CAMTA2: variants seen among roughly 807,000 people sequenced by gnomAD.
CAMTA2 encodes the protein calmodulin-binding transcription activator 2.
CAMTA2 carries 56 observed loss-of-function variants against 135.7 expected under a neutral mutation model. The ratio of observed to expected loss-of-function variants is 0.41; its 90% CI spans 0.33 to 0.52. CAMTA2 has a LOEUF of 0.52. Ranked by LOEUF, CAMTA2 falls within the 20% of genes least tolerant of loss-of-function variation. The pLI, the probability that CAMTA2 is intolerant of heterozygous loss-of-function variation, is 0.16. For missense variants in CAMTA2, 1,358 were observed against 1,553.4 expected (o/e 0.87, Z 2.11); for synonymous variants, 591 against 604.6 (o/e 0.98, Z 0.33).
At position 4,970,522 on chromosome 17, in the gene CAMTA2, T is replaced by TGA; in HGVS notation, c.2821_2822dup (p.Leu942HisfsTer2). On this transcript the variant is annotated frameshift_variant, in exon 17 of 23. Transcript: ENST00000348066. LOFTEE classifies it high-confidence loss of function. ...TGGCTTCGATGATCTGCTTGGCTAG[T>TGA]GAGATCATGTCCACCTGGAAGAAGG... 1 of 1,610,642 alleles carries TGA rather than the reference T, an allele frequency of 6.2e-7. No individual in the cohort carries two copies. Among genetic ancestry groups the TGA allele is most frequent in the Non-Finnish European group, 8.5e-7 (1 of 1,179,714 alleles).
At chr17:4,978,367 A>G (rs986465059) in intron 10 of CAMTA2, 137 bp downstream of exon 10, 13 of 856,864 alleles carry the variant, frequency 1.5e-5, no homozygotes, top group Non-Finnish European at 2.3e-5. Context: ...TTGGGGCTCA[A>G]CCTCAGGACT....
intron 11 of CAMTA2, among the ~76,000 whole-genome samples, chr17:4,975,165 G>T (rs940474955): frequency 6.6e-6 from 1 of 152,146 alleles, no homozygotes; most frequent in Non-Finnish European, 1.5e-5. Flanking sequence ...AGGACAAGAA[G>T]GGGAGGCAGG....
chr17:4,982,702 T>G, intron 5 of CAMTA2, 55 bp downstream of exon 5: 1 of 1,602,594 alleles, frequency 6.2e-7, no homozygotes, highest in Non-Finnish European at 8.5e-7. Context: ...AGAGCCCAGC[T>G]AAGGGTGGAG....
rs767680587 is a variant in CAMTA2 at position 4,980,662 on chromosome 17, A to G, written c.701-41T>C. 3.4e-6 allele frequency: 5 copies of G among 1,460,772 alleles called. No homozygotes were observed. Among genetic ancestry groups the G allele is most frequent in the Non-Finnish European group, 4.8e-6 (5 of 1,043,492 alleles). The allele number at this position is 1,460,772 out of a possible 1,614,324, so 90.5% of individuals were successfully genotyped here. ...GTAGGAGGGAGAGGAGATAAGACAC[A>G]TCATTCCGCACCTTCTCTACCTTGA... On this transcript the variant is annotated intron_variant, in intron 8 of 22. Transcript: ENST00000348066. This position sits in a 1 kb window ranked among gnomAD's most constrained non-coding sequence, Gnocchi z 5.3.
At chr17:4,987,356 CAG>C in intron 1 of CAMTA2, 1 of 1,355,840 alleles carries the variant, frequency 7.4e-7, no homozygotes, top group Non-Finnish European at 9.4e-7. Context: ...GGGCGAGGGA[CAG>C]TGCAGGTGCC....
At chr17:4,986,990 C>T in intron 1 of CAMTA2, 1 of 1,466,664 alleles carries the variant, frequency 6.8e-7, no homozygotes, top group East Asian at 2.8e-5. Context: ...GAGCCCCCCG[C>T]CCTCCTCGGG....
Position 4,980,177 on chromosome 17 carries a change from T to G in CAMTA2, c.1145A>C (p.Asn382Thr). Residue 382 changes from asparagine (N) to threonine (T), a missense_variant, in exon 9 of 23, where the codon AAC becomes ACC. By Grantham distance (65) the Asn-to-Thr change is moderately conservative (BLOSUM62 0). Transcript: ENST00000348066. The surrounding 1 kb of genome is among the most constrained non-coding windows in gnomAD (Gnocchi z 5.3). ...SPAFDPDRFLNSPQRGQTYGG... is the reference protein window; with the variant it reads ...SPAFDPDRFLTSPQRGQTYGG... ...ATATGTCTGGCCCCTCTGGGGGCTG[T>G]TGAGAAAACGATCAGGGTCAAAGGC... 6.3e-7 allele frequency: 1 copy of G among 1,576,672 alleles called. No individual in the cohort carries two copies. Among genetic ancestry groups the G allele is most frequent in the Middle Eastern group, 1.7e-4 (1 of 5,838 alleles).
In CAMTA2 at chr17:4,987,647, C is replaced by CCA. The variant is rs1973449646; in HGVS notation, c.-120_-119insTG. The CCA allele has an allele frequency of 1.3e-6, 2 of 1,521,348 alleles. No homozygotes were observed. The highest frequency in any genetic ancestry group is 2.4e-5 in the South Asian group (2 of 82,424). The allele number at this position is 1,521,348 out of a possible 1,614,324, so 94.2% of individuals were successfully genotyped here. ...GCGGCCATTCTACCCCACACCGACC[C>CCA]CCCCCAGCGCCGGCTGACAGCGGCG... On this transcript the variant is annotated 5_prime_UTR_variant, in exon 1 of 23. Coordinates refer to ENST00000348066, the MANE Select transcript of CAMTA2 (RefSeq NM_015099.4).
rs763175115 is a variant in CAMTA2, at chr17:4,969,750, C to G, written c.3190-49G>C. The G allele has an allele frequency of 2.8e-4, 452 of 1,609,464 alleles. No homozygotes were observed. Among genetic ancestry groups the G allele is most frequent in the Admixed American group, 5.0e-4 (30 of 59,980 alleles). ...CCTCATGACCCACATAATGGCATAT[C>G]TGACTTGTCCCTTCAACTTTCCTGG... On this transcript the variant is annotated intron_variant, in intron 18 of 22. Coordinates refer to ENST00000348066, the MANE Select transcript of CAMTA2 (RefSeq NM_015099.4). This position sits in a 1 kb window ranked among gnomAD's most constrained non-coding sequence, Gnocchi z 5.6.
At chr17:4,972,714 C>T in intron 15 of CAMTA2, 55 bp downstream of exon 15, 1 of 1,555,806 alleles carries the variant, frequency 6.4e-7, no homozygotes, top group Non-Finnish European at 8.9e-7. Context: ...TGGCTTTGTC[C>T]TGGCCTATCC....
In CAMTA2 at chr17:4,981,790, G is replaced by T; in HGVS notation, c.453C>A (p.Ala151=). 1 of 1,612,664 alleles carries T rather than the reference G, an allele frequency of 6.2e-7. No individual in the cohort carries two copies. The highest frequency in any genetic ancestry group is 8.5e-7 in the Non-Finnish European group (1 of 1,179,200). The part of the protein sequence containing the change: ...IVLVHYLNVP[A]LEDCGKGCSP... The stretch of plus-strand genomic sequence containing the variant: ...TGCAGCCCTTTCCACAGTCCTCCAG[G>T]GCTGGGACGTTCAGGTAGTGCACAA... Residue 151 remains alanine, a synonymous_variant, in exon 7 of 23, where the codon GCC becomes GCA. Transcript: ENST00000348066.
Position 4,986,796 on chromosome 17 carries a change from C to G in CAMTA2, c.-64-510G>C, listed in dbSNP as rs548112472. ...GGCAGATCTGATAACTGAACCTAAC[C>G]TATTCTCTCCTCCAGGTTGGTTAGG... is the stretch of plus-strand genomic sequence containing the variant. On this transcript the variant is annotated intron_variant, in intron 1 of 22. Coordinates refer to ENST00000348066, the MANE Select transcript of CAMTA2 (RefSeq NM_015099.4). 6.4e-6 allele frequency: 4 copies of G among 621,886 alleles called. 1 individual carries two copies. In the South Asian group the frequency reaches 7.2e-5, roughly 11 times the overall value. 38.5% of individuals were successfully genotyped at this position (621,886 alleles called of 1,614,324 possible).
rs751170722 is a variant in CAMTA2 at position 4,969,856 on chromosome 17, CCT to C, written c.3189+44_3189+45del. The C allele has an allele frequency of 2.5e-5, 40 of 1,605,304 alleles. No individual in the cohort carries two copies. Among genetic ancestry groups the C allele is most frequent in the Non-Finnish European group, 3.2e-5 (37 of 1,173,044 alleles). ...CAAAAGCCCTGGGAGCCCAGTCTCC[CCT>C]GACTGGAGATTGTGTAATTCATCCT... On this transcript the variant is annotated intron_variant, in intron 18 of 22. Transcript: ENST00000348066. The surrounding 1 kb of genome is among the most constrained non-coding windows in gnomAD (Gnocchi z 5.6).
intron 11 of CAMTA2, among the ~76,000 whole-genome samples, chr17:4,975,065 T>TCTC (rs1042773872): frequency 8.6e-5 from 13 of 151,816 alleles, no homozygotes; most frequent in Non-Finnish European, 1.6e-4. Context: ...CATGTCCATT[T>TCTC]CTCCTCCTCC....
At chr17:4,987,133 G>C in intron 1 of CAMTA2, 3 of 1,360,174 alleles carry the variant, frequency 2.2e-6, no homozygotes, top group Non-Finnish European at 2.8e-6. Flanking sequence ...GCCCCAGGGC[G>C]CAGGTGCGCA....
At position 4,968,696 on chromosome 17, in the gene CAMTA2, C is replaced by T; in HGVS notation, c.*60G>A. ...AGGGGCTCCCCCTGCCCCAGAAAGCCCTCTCCCTGTTAAGACTGCACGAGG... is the reference window on the plus strand; with the variant it reads ...AGGGGCTCCCCCTGCCCCAGAAAGCTCTCTCCCTGTTAAGACTGCACGAGG... On this transcript the variant is annotated 3_prime_UTR_variant, in exon 23 of 23. Transcript: ENST00000348066. 6.2e-7 allele frequency: 1 copy of T among 1,602,214 alleles called. No individual in the cohort carries two copies. The highest frequency in any genetic ancestry group is 1.1e-5 in the South Asian group (1 of 90,852).
chr17:4,978,806 A>G (rs542429092), intron 9 of CAMTA2, among the ~76,000 whole-genome samples, 176 bp from the exon 10 acceptor site: 18 of 152,256 alleles, frequency 1.2e-4, no homozygotes, highest in Non-Finnish European at 2.1e-4. Context: ...TCTCTCCCCA[A>G]CATTCCTGCC....
chr17:4,968,141 T>G lies in CAMTA2; in HGVS notation c.*615A>C. 2 of 402,248 alleles carry G rather than the reference T, an allele frequency of 5.0e-6. No individual in the cohort carries two copies. Among genetic ancestry groups the G allele is most frequent in the Non-Finnish European group, 9.2e-6 (2 of 217,652 alleles). The allele number at this position is 402,248 out of a possible 1,614,324, so 24.9% of individuals were successfully genotyped here. The stretch of plus-strand genomic sequence containing the variant: ...CCCTCCCCGCGGCGCCTTAAATAGA[T>G]TCTTCACTATACTCTGTATGTTACA... On this transcript the variant is annotated 3_prime_UTR_variant, in exon 23 of 23. Coordinates refer to ENST00000348066, the MANE Select transcript of CAMTA2 (RefSeq NM_015099.4).
At chr17:4,983,444 G>T (rs551125015) in intron 3 of CAMTA2, among the ~76,000 whole-genome samples, 19 of 151,078 alleles carry the variant, frequency 1.3e-4, no homozygotes, top group Non-Finnish European at 2.4e-4. Flanking sequence ...CACCATGCCC[G>T]GGTAATTTTG....
Sources: allele counts gnomAD v4.1 joint callset (sites outside exome capture counted in the v4.1 genomes callset), GRCh38; gene constraint gnomAD v4.1.1; non-coding constraint Gnocchi (gnomAD v3.1); transcripts MANE v1.5; gene names NCBI Gene and HGNC (gene_info 2026-07-23, HGNC 2026-07-21).